The following DPH6 variants were observed in gnomAD, a reference collection of about 807,000 sequenced individuals.
DPH6 encodes diphthamine biosynthesis 6.
DPH6 carries 33 observed loss-of-function variants against 38.2 expected under a neutral mutation model. The observed-to-expected ratio is 0.86, with a 90% CI of 0.65 to 1.15. The LOEUF (loss-of-function observed/expected upper bound fraction) is 1.15. Ranked by LOEUF, DPH6 falls within the 50% of genes most tolerant of loss-of-function variation. The pLI, the probability that DPH6 is intolerant of heterozygous loss-of-function variation, is 0.00. For missense variants in DPH6, 325 were observed against 320.0 expected (o/e 1.02, Z -0.12); for synonymous variants, 108 against 103.0 (o/e 1.05, Z -0.30).
chr15:35,447,271 C>T (rs1005630176), intron 5 of DPH6, among the ~76,000 whole-genome samples: 3 of 152,170 alleles, frequency 2.0e-5, no homozygotes, highest in African/African-American at 7.2e-5. Context: ...ATATCCAAGA[C>T]AACAACTCAA....
chr15:35,371,844 A>T lies in DPH6; in HGVS notation c.*306T>A. ...AGAAGGAGGAAAAGAAACTAGTGTG[A>T]TAAAAAAAGAAATGCTACAGAAATG... On this transcript the variant is annotated 3_prime_UTR_variant, in exon 9 of 9. Transcript: ENST00000256538. 9.5e-7 allele frequency: 1 copy of T among 1,048,948 alleles called. No homozygotes were observed. Among genetic ancestry groups the T allele is most frequent in the Non-Finnish European group, 1.1e-6 (1 of 871,226 alleles). The allele number at this position is 1,048,948 out of a possible 1,614,324, so 65.0% of individuals were successfully genotyped here. A position where few individuals can be genotyped will look rare whatever the true frequency, so the allele number is the denominator to read the frequency against.
chr15:35,206,273 A>G, the DPH6 span, among the ~76,000 whole-genome samples: 7 of 152,218 alleles, frequency 4.6e-5, no homozygotes, highest in African/African-American at 1.7e-4. Flanking sequence ...ATACTACACC[A>G]GCGTTAACCC....
intron 3 of DPH6, among the ~76,000 whole-genome samples, chr15:35,331,473 T>C (rs1449697322): frequency 1.3e-5 from 2 of 152,178 alleles, no homozygotes; most frequent in African/African-American, 4.8e-5. Context: ...CATTGAAAAT[T>C]TGAAACTAAA....
chr15:35,411,085 G>A (rs1483235713), intron 5 of DPH6, among the ~76,000 whole-genome samples, 189 bp from the exon 6 acceptor site: 2 of 151,414 alleles, frequency 1.3e-5, no homozygotes, highest in Non-Finnish European at 3.0e-5. Flanking sequence ...TGGTTTTATT[G>A]CTTCTGAAAA....
At chr15:35,296,048 T>C (rs1409566870) in intron 3 of DPH6, among the ~76,000 whole-genome samples, 1 of 151,936 alleles carries the variant, frequency 6.6e-6, no homozygotes, top group Non-Finnish European at 1.5e-5. Context: ...CACGCCATTC[T>C]CTTGCCTCAG....
At chr15:35,192,718 ATAT>A in the DPH6 span, among the ~76,000 whole-genome samples, 1 of 152,220 alleles carries the variant, frequency 6.6e-6, no homozygotes, top group Non-Finnish European at 1.5e-5. Flanking sequence ...TAATGAATCA[ATAT>A]TATTTGGTGA....
rs1491101707 is a variant in DPH6 at position 35,436,509 on chromosome 15, C to CAAAAAAAAAAAAA, written c.505+14175_505+14176insTTTTTTTTTTTTT. Among the ~76,000 whole-genome samples the CAAAAAAAAAAAAA allele has an allele frequency of 1.5e-3, 158 of 107,512 alleles. 21 individuals carry two copies. Among genetic ancestry groups the CAAAAAAAAAAAAA allele is most frequent in the Non-Finnish European group, 2.1e-3 (121 of 56,710 alleles). The allele number at this position is 107,512 out of a possible 152,430, so 70.5% of individuals were successfully genotyped here. ...CAAAACAAAACAAAACAAAACAAAA[C>CAAAAAAAAAAAAA]AAAACAAAAAAGGTTCTCTCCCTGT... On this transcript the variant is annotated intron_variant, in intron 5 of 8. Coordinates refer to ENST00000256538, the MANE Select transcript of DPH6 (RefSeq NM_080650.4).
intron 3 of DPH6, among the ~76,000 whole-genome samples, chr15:35,248,382 G>GT (rs1170493855): frequency 6.6e-6 from 1 of 152,146 alleles, no homozygotes; most frequent in African/African-American, 2.4e-5. Context: ...TTGATTGTAG[G>GT]TTATAAGATC....
intron 3 of DPH6, among the ~76,000 whole-genome samples, chr15:35,320,884 A>T (rs1037705173): frequency 1.3e-5 from 2 of 152,212 alleles, no homozygotes; most frequent in Non-Finnish European, 2.9e-5. Flanking sequence ...ATATTCAGTC[A>T]GTTTTCTGAA....
chr15:35,387,337 T>C (rs1451868698), intron 6 of DPH6, among the ~76,000 whole-genome samples: 3 of 152,146 alleles, frequency 2.0e-5, no homozygotes, highest in Non-Finnish European at 4.4e-5. Flanking sequence ...TCTTTTTTGG[T>C]TCCATATAAA....
chr15:35,512,160 C>T (rs796925378), intron 3 of DPH6, among the ~76,000 whole-genome samples: 6 of 152,168 alleles, frequency 3.9e-5, no homozygotes, highest in African/African-American at 1.2e-4. Flanking sequence ...TAAAATCTTA[C>T]GTTTCATATA....
intron 3 of DPH6, among the ~76,000 whole-genome samples, chr15:35,534,169 G>A (rs1156613582): frequency 6.6e-6 from 1 of 152,018 alleles, no homozygotes; most frequent in Admixed American, 6.6e-5. Context: ...CCTGAGGTCG[G>A]GAGTTTGAGA....
intron 5 of DPH6, among the ~76,000 whole-genome samples, chr15:35,430,964 A>G (rs2053625671): frequency 6.6e-6 from 1 of 152,188 alleles, no homozygotes; most frequent in African/African-American, 2.4e-5. Flanking sequence ...GTCAAAAACA[A>G]AAACAAAAAC....
intron 3 of DPH6, among the ~76,000 whole-genome samples, chr15:35,508,434 A>T (rs2054725264): frequency 6.6e-6 from 1 of 152,160 alleles, no homozygotes; most frequent in Admixed American, 6.6e-5. Context: ...TGAATGTAAA[A>T]CATGTTACAA....
the DPH6 span, among the ~76,000 whole-genome samples, chr15:35,165,852 A>G: frequency 6.6e-6 from 1 of 151,988 alleles, no homozygotes; most frequent in Admixed American, 6.6e-5. Flanking sequence ...AGTATACAAG[A>G]TTTAGAAAGT....
chr15:35,225,521 G>A (rs996315186), intron 3 of DPH6, among the ~76,000 whole-genome samples: 1 of 152,156 alleles, frequency 6.6e-6, no homozygotes, highest in Non-Finnish European at 1.5e-5. Flanking sequence ...TTGGAGACGT[G>A]TTCAGGATGG....
intron 3 of DPH6, among the ~76,000 whole-genome samples, chr15:35,480,530 G>A (rs2054314130): frequency 6.6e-6 from 1 of 152,052 alleles, no homozygotes; most frequent in African/African-American, 2.4e-5. Flanking sequence ...ATAGGAAATA[G>A]ATTTGTGGGC....
chr15:35,391,945 C>T (rs1419184562), intron 6 of DPH6, among the ~76,000 whole-genome samples: 1 of 152,170 alleles, frequency 6.6e-6, no homozygotes, highest in African/African-American at 2.4e-5. Flanking sequence ...ATGCTGGGAG[C>T]TGTAGGCTGG....
At chr15:35,291,384 A>T (rs1362191286) in intron 3 of DPH6, among the ~76,000 whole-genome samples, 1 of 152,130 alleles carries the variant, frequency 6.6e-6, no homozygotes, top group Non-Finnish European at 1.5e-5. Flanking sequence ...CTATTATAAT[A>T]AATTACTTGG....
Sources: allele counts gnomAD v4.1 joint callset (sites outside exome capture counted in the v4.1 genomes callset), GRCh38; gene constraint gnomAD v4.1.1; transcripts MANE v1.5; gene names NCBI Gene and HGNC (gene_info 2026-07-23, HGNC 2026-07-21).